SNTG1: variants seen among roughly 807,000 people sequenced by gnomAD.
SNTG1 encodes gamma-1-syntrophin.
Under a neutral mutation model 74.7 loss-of-function variants are expected in SNTG1, and 39 were observed. The ratio of observed to expected loss-of-function variants is 0.52; its 90% CI spans 0.40 to 0.68. The LOEUF (loss-of-function observed/expected upper bound fraction) is 0.68, where lower values mean the gene tolerates loss of function less well. Ranked by LOEUF, SNTG1 falls within the 30% of genes least tolerant of loss-of-function variation. SNTG1 has a pLI of 0.00. For missense variants in SNTG1, 685 were observed against 609.5 expected (o/e 1.12, Z -1.30); for synonymous variants, 254 against 217.1 (o/e 1.17, Z -1.49).
chr8:50,555,388 A>G (rs1009988770), intron 12 of SNTG1, among the ~76,000 whole-genome samples: 2 of 152,234 alleles, frequency 1.3e-5, no homozygotes, highest in Non-Finnish European at 2.9e-5. Context: ...TATTAGGCAT[A>G]GCAATAAAAA....
At chr8:50,126,416 G>T (rs2081141155) in intron 1 of SNTG1, among the ~76,000 whole-genome samples, 3 of 151,942 alleles carry the variant, frequency 2.0e-5, no homozygotes, top group Admixed American at 1.3e-4. Flanking sequence ...TTATTGTAAT[G>T]TACATAAAAT....
At chr8:50,383,961 A>T (rs1245950738) in intron 2 of SNTG1, among the ~76,000 whole-genome samples, 2 of 152,162 alleles carry the variant, frequency 1.3e-5, no homozygotes, top group Non-Finnish European at 2.9e-5. Flanking sequence ...CTCCTAATAG[A>T]AACATTCTTC....
At chr8:50,445,398 A>C (rs2093397455) in intron 5 of SNTG1, among the ~76,000 whole-genome samples, 1 of 152,164 alleles carries the variant, frequency 6.6e-6, no homozygotes, top group Admixed American at 6.5e-5. Flanking sequence ...TGATTGATTA[A>C]TTGATTGGAG....
intron 4 of SNTG1, among the ~76,000 whole-genome samples, chr8:50,429,080 A>T (rs1369912384): frequency 6.6e-6 from 1 of 152,104 alleles, no homozygotes; most frequent in African/African-American, 2.4e-5. Context: ...CCCAAAATTG[A>T]TCTACATTAT....
chr8:50,443,327 T>A (rs1282372478), intron 5 of SNTG1, among the ~76,000 whole-genome samples: 1 of 152,200 alleles, frequency 6.6e-6, no homozygotes, highest in Non-Finnish European at 1.5e-5. Context: ...TTACTATAAA[T>A]ATATTTTATG....
intron 17 of SNTG1, among the ~76,000 whole-genome samples, chr8:50,729,550 C>G (rs2131615760): frequency 1.3e-5 from 2 of 152,230 alleles, no homozygotes; most frequent in Admixed American, 1.3e-4. Context: ...TGATGGGGGT[C>G]TCTTTTGTCA....
At chr8:50,301,401 A>T (rs1472000489) in intron 2 of SNTG1, among the ~76,000 whole-genome samples, 1 of 152,134 alleles carries the variant, frequency 6.6e-6, no homozygotes, top group Non-Finnish European at 1.5e-5. Context: ...GAATTCCAGA[A>T]TTTCAACTTC....
intron 4 of SNTG1, among the ~76,000 whole-genome samples, chr8:50,430,579 CA>C (rs1374818523): frequency 6.6e-6 from 1 of 152,092 alleles, no homozygotes; most frequent in East Asian, 1.9e-4. Flanking sequence ...CTGAAGAAGC[CA>C]AGGAACCAAA....
At chr8:50,179,081 G>A (rs141062380) in intron 2 of SNTG1, among the ~76,000 whole-genome samples, 2 of 152,198 alleles carry the variant, frequency 1.3e-5, no homozygotes, top group East Asian at 3.9e-4. Context: ...ATGTCATTGT[G>A]TCTTCTTTGT....
chr8:50,125,980 T>C (rs755729390), intron 1 of SNTG1, among the ~76,000 whole-genome samples: 2 of 152,136 alleles, frequency 1.3e-5, no homozygotes, highest in African/African-American at 4.8e-5. Flanking sequence ...GAAAGCAACA[T>C]AAGAAGAGCT....
At chr8:49,938,611 C>CTTTTCTTTCTTTCTTTCTTTCTTTCTTTA (rs71928710) in intron 1 of SNTG1, among the ~76,000 whole-genome samples, 1 of 12,568 alleles carries the variant, frequency 8.0e-5, no homozygotes, top group Non-Finnish European at 3.5e-4. Context: ...TCTTTTCTTT[C>CTTTTCTTTCTTTCTTTCTTTCTTTCTTTA]TTTCTTTCTT....
intron 1 of SNTG1, among the ~76,000 whole-genome samples, chr8:50,127,538 A>G (rs957176076): frequency 6.6e-6 from 1 of 152,098 alleles, no homozygotes; most frequent in Admixed American, 6.6e-5. Flanking sequence ...TGGAGCTGGA[A>G]TCCTTTTAGA....
intron 13 of SNTG1, among the ~76,000 whole-genome samples, chr8:50,617,227 A>T (rs2094890775): frequency 6.6e-6 from 1 of 152,152 alleles, no homozygotes; most frequent in Admixed American, 6.6e-5. Flanking sequence ...CTTGGAAGGG[A>T]AGGAACCTGC....
chr8:50,208,140 C>T (rs985951842), intron 2 of SNTG1, among the ~76,000 whole-genome samples: 4 of 152,026 alleles, frequency 2.6e-5, no homozygotes, highest in East Asian at 1.9e-4. Flanking sequence ...TCTGTCTCGT[C>T]GATCTGTGTA....
chr8:50,222,827 C>A (rs1455551517), intron 2 of SNTG1, among the ~76,000 whole-genome samples: 1 of 152,084 alleles, frequency 6.6e-6, no homozygotes, highest in East Asian at 1.9e-4. Context: ...CAGACAGAAG[C>A]AAATGTAGAT....
At chr8:50,584,770 A>G (rs2094636302) in intron 12 of SNTG1, among the ~76,000 whole-genome samples, 1 of 151,494 alleles carries the variant, frequency 6.6e-6, no homozygotes, top group Non-Finnish European at 1.5e-5. Context: ...TGCCTGTAAC[A>G]GAAGAATACC....
intron 1 of SNTG1, among the ~76,000 whole-genome samples, chr8:50,082,207 T>G (rs1269408791): frequency 6.6e-6 from 1 of 152,162 alleles, no homozygotes. Flanking sequence ...CTTTAGTTAT[T>G]TGAATATATT....
At chr8:50,164,320 C>G (rs1221767930) in intron 1 of SNTG1, 1 of 152,028 alleles carries the variant, frequency 6.6e-6, no homozygotes, top group Admixed American at 6.6e-5. Context: ...ATGTTCTGTT[C>G]CAGTATCAAA....
At chr8:50,279,031 A>G (rs1302496421) in intron 2 of SNTG1, among the ~76,000 whole-genome samples, 1 of 152,172 alleles carries the variant, frequency 6.6e-6, no homozygotes, top group Non-Finnish European at 1.5e-5. Flanking sequence ...TGAGTACAAG[A>G]TACGAGAGTA....
Sources: allele counts gnomAD v4.1 joint callset (sites outside exome capture counted in the v4.1 genomes callset), GRCh38; gene constraint gnomAD v4.1.1; transcripts MANE v1.5; gene names NCBI Gene and HGNC (gene_info 2026-07-23, HGNC 2026-07-21).